Variants in WWP2 observed in about 807,000 individuals in gnomAD.
WWP2 encodes the protein NEDD4-like E3 ubiquitin-protein ligase WWP2.
In WWP2, 57 loss-of-function variants were observed where a neutral mutation model predicts 121.0. The observed-to-expected ratio is 0.47, with a 90% CI of 0.38 to 0.59. WWP2 has a LOEUF of 0.59. WWP2 is among the 20% of genes least tolerant of loss of function. The probability of loss-of-function intolerance (pLI) is 0.00; values close to 1 mark genes in which losing one functional copy is unlikely to be tolerated. For missense variants in WWP2, 962 were observed against 1,158.9 expected (o/e 0.83, Z 2.47); for synonymous variants, 449 against 441.3 (o/e 1.02, Z -0.22).
chr16:69,772,455 G>C (rs1295590627), intron 1 of WWP2, among the ~76,000 whole-genome samples: 2 of 152,164 alleles, frequency 1.3e-5, no homozygotes, highest in East Asian at 3.9e-4. Context: ...GCCCTGGAAA[G>C]AATTCAAGGG....
At chr16:69,791,418 G>A (rs1426551058) in intron 2 of WWP2, among the ~76,000 whole-genome samples, 1 of 151,962 alleles carries the variant, frequency 6.6e-6, no homozygotes, top group Non-Finnish European at 1.5e-5. Flanking sequence ...AGTAGAGACA[G>A]GGTTTCACCG....
chr16:69,840,484 G>T (rs1431052940), intron 5 of WWP2, among the ~76,000 whole-genome samples: 1 of 152,222 alleles, frequency 6.6e-6, no homozygotes. Flanking sequence ...ATATGTAATT[G>T]TTTGGTTTGA....
At chr16:69,878,064 T>C (rs151186597) in intron 7 of WWP2, among the ~76,000 whole-genome samples, 6,528 of 152,054 alleles carry the variant, frequency 0.043, 182 homozygotes, top group Non-Finnish European at 0.058. Flanking sequence ...CGCCTCAGCC[T>C]CCCAAAGTGT....
rs910129729 is a variant in WWP2, at chr16:69,888,090, G to A, written c.755G>A (p.Gly252Asp). The change falls in exon 8 of 24, where the codon GGT becomes GAT. Residue 252 changes from glycine (G) to aspartate (D), a missense_variant. Physicochemically the swap from Gly to Asp is moderately conservative, Grantham distance 94. Transcript: ENST00000359154. ...ATDPEEPSVVGVTSPPAAPLS... is the reference protein window; with the variant it reads ...ATDPEEPSVVDVTSPPAAPLS... ...GATCCCGAAGAACCTTCCGTTGTTG[G>A]TGTGACGTCCCCACCTGCTGCACCC... The A allele has an allele frequency of 2.5e-6, 4 of 1,614,072 alleles. No individual in the cohort carries two copies. The East Asian group carries it at 6.7e-5, about 27-fold the overall frequency.
At chr16:69,874,332 ATCT>A (rs1488562004) in intron 7 of WWP2, among the ~76,000 whole-genome samples, 4 of 152,172 alleles carry the variant, frequency 2.6e-5, no homozygotes, top group Admixed American at 6.5e-5. Context: ...GAATGAGGAC[ATCT>A]TCATCCCTCG....
chr16:69,845,345 A>G (rs1264285627), intron 6 of WWP2, among the ~76,000 whole-genome samples: 1 of 152,090 alleles, frequency 6.6e-6, no homozygotes, highest in Non-Finnish European at 1.5e-5. Flanking sequence ...GTGCGTTTAC[A>G]TCAAGGACTG....
intron 1 of WWP2, among the ~76,000 whole-genome samples, chr16:69,785,537 A>G (rs2055767833): frequency 1.3e-5 from 2 of 152,310 alleles, no homozygotes; most frequent in East Asian, 3.9e-4. Context: ...AATCACATAC[A>G]AGTAAAAGAT....
chr16:69,931,342 A>C, intron 14 of WWP2, 115 bp downstream of exon 14: 1 of 1,488,704 alleles, frequency 6.7e-7, no homozygotes, highest in Admixed American at 1.8e-5. Flanking sequence ...GGCGCAAGAC[A>C]CTTGTCTAAC....
At chr16:69,800,881 TG>T (rs1304405302) in intron 4 of WWP2, among the ~76,000 whole-genome samples, 1 of 150,550 alleles carries the variant, frequency 6.6e-6, no homozygotes, top group African/African-American at 2.4e-5. Flanking sequence ...TTATTCTTAA[TG>T]TTTTTTTAAA....
chr16:69,888,699 T>C (rs1317454768), intron 8 of WWP2, among the ~76,000 whole-genome samples: 1 of 152,040 alleles, frequency 6.6e-6, no homozygotes, highest in Non-Finnish European at 1.5e-5. Flanking sequence ...CTACAAGTTT[T>C]CTTGCCATCC....
intron 2 of WWP2, among the ~76,000 whole-genome samples, chr16:69,793,520 G>T (rs1199377800): frequency 6.6e-6 from 1 of 152,058 alleles, no homozygotes; most frequent in Non-Finnish European, 1.5e-5. Flanking sequence ...ACAGGTAGGG[G>T]ACTAGGGAAT....
At chr16:69,812,475 C>A (rs1042680897) in intron 4 of WWP2, among the ~76,000 whole-genome samples, 7 of 133,626 alleles carry the variant, frequency 5.2e-5, no homozygotes, top group African/African-American at 1.5e-4. Context: ...CCAACCCCCC[C>A]CCTTTTTTTT....
chr16:69,821,813 C>T (rs1053650724), intron 4 of WWP2, among the ~76,000 whole-genome samples: 3 of 151,220 alleles, frequency 2.0e-5, no homozygotes, highest in Non-Finnish European at 4.4e-5. Flanking sequence ...CCATCTCGGC[C>T]TCCCAAAGAG....
At chr16:69,896,070 C>T (rs2058100188) in intron 8 of WWP2, among the ~76,000 whole-genome samples, 1 of 152,188 alleles carries the variant, frequency 6.6e-6, no homozygotes, top group Admixed American at 6.6e-5. Flanking sequence ...GAGATGTTTT[C>T]ACCTTATGTG....
At chr16:69,772,256 A>AG (rs952756900) in intron 1 of WWP2, among the ~76,000 whole-genome samples, 2 of 152,036 alleles carry the variant, frequency 1.3e-5, no homozygotes, top group African/African-American at 4.8e-5. Flanking sequence ...GGGATTAGGA[A>AG]GGGGCAACTG....
At chr16:69,791,649 G>C (rs2055913466) in intron 2 of WWP2, among the ~76,000 whole-genome samples, 1 of 152,198 alleles carries the variant, frequency 6.6e-6, no homozygotes. Context: ...CTCCTGAGTA[G>C]CTAGGACTTT....
At chr16:69,853,107 C>T (rs9922223) in intron 6 of WWP2, among the ~76,000 whole-genome samples, 24,144 of 152,116 alleles carry the variant, frequency 0.16, 2,255 homozygotes, top group East Asian at 0.4. Flanking sequence ...GCTATTTCTG[C>T]GGTAAATTAT....
At chr16:69,806,483 A>G (rs1371395423) in intron 4 of WWP2, among the ~76,000 whole-genome samples, 1 of 152,204 alleles carries the variant, frequency 6.6e-6, no homozygotes, top group East Asian at 1.9e-4. Flanking sequence ...CATGGGAATT[A>G]TCTGTTCCAT....
intron 7 of WWP2, among the ~76,000 whole-genome samples, chr16:69,884,608 A>G (rs1376138264): frequency 6.6e-6 from 1 of 152,234 alleles, no homozygotes; most frequent in Non-Finnish European, 1.5e-5. Flanking sequence ...AGCCTGGGTG[A>G]CAGAGCAAGA....
Sources: allele counts gnomAD v4.1 joint callset (sites outside exome capture counted in the v4.1 genomes callset), GRCh38; gene constraint gnomAD v4.1.1; transcripts MANE v1.5; gene names NCBI Gene and HGNC (gene_info 2026-07-23, HGNC 2026-07-21).